Variants in INSL3 observed in about 807,000 individuals in gnomAD.
The protein encoded by INSL3 is insulin like 3, also known as insulin-like 3.
In INSL3, 6 loss-of-function variants were observed where a neutral mutation model predicts 5.5. That is an observed-to-expected ratio of 1.08 (90% CI 0.59 to 2.14). INSL3 has a LOEUF of 2.14. INSL3 is among the 30% of genes most tolerant of loss of function. INSL3 has a pLI of 0.00. For missense variants in INSL3, 178 were observed against 184.7 expected, an observed-to-expected ratio of 0.96 and a Z score of 0.21; for synonymous variants, 86 against 82.1, an observed-to-expected ratio of 1.05 and a Z score of -0.26.
chr19:17,821,360 G>A lies in INSL3; in HGVS notation c.147C>T (p.Pro49=), dbSNP rs1422822030. ...GCCTCCTGGCTTCGGTGGACCAGCG[G>A]GGGCCCCCGCACACGCGCACTAGCG... The part of the protein sequence containing the change: ...VRALVRVCGG[P]RWSTEARRPA... Residue 49 remains proline, a synonymous_variant, in exon 1 of 2, where the codon CCC becomes CCT. Coordinates refer to ENST00000317306, the MANE Select transcript of INSL3 (RefSeq NM_005543.4). 5.2e-6 allele frequency: 8 copies of A among 1,548,802 alleles called. No homozygotes were observed. Among genetic ancestry groups the A allele is most frequent in the Non-Finnish European group, 7.0e-6 (8 of 1,146,604 alleles).
intron 1 of INSL3, among the ~76,000 whole-genome samples, chr19:17,817,926 C>G (rs1308511496): frequency 6.6e-6 from 1 of 151,902 alleles, no homozygotes; most frequent in East Asian, 1.9e-4. Context: ...CCCCATATGC[C>G]ACCTGAGTGC....
chr19:17,820,208 C>T (rs556458930), intron 1 of INSL3, among the ~76,000 whole-genome samples: 59 of 152,116 alleles, frequency 3.9e-4, no homozygotes, highest in African/African-American at 1.2e-3. Context: ...TGCTGGAACC[C>T]GGGAGGCAGA....
At chr19:17,819,480 C>T (rs12979536) in intron 1 of INSL3, among the ~76,000 whole-genome samples, 51,317 of 151,828 alleles carry the variant, frequency 0.34, 9,172 homozygotes, top group Non-Finnish European at 0.38. Context: ...CCAGGCACAG[C>T]GGCTCACGCT....
chr19:17,817,117 G>A, intron 1 of INSL3, 58 bp from the exon 2 acceptor site: 1 of 1,508,586 alleles, frequency 6.6e-7, no homozygotes, highest in East Asian at 2.4e-5. Context: ...GCTACCCCAT[G>A]CTGCATGTGC....
intron 1 of INSL3, among the ~76,000 whole-genome samples, chr19:17,819,840 TCAAAACAAAA>T (rs368680133): frequency 1.1e-4 from 17 of 149,690 alleles, no homozygotes; most frequent in African/African-American, 2.0e-4. Context: ...AGACTCAATG[TCAAAACAAAA>T]CAAAACAAAA....
rs773578344 is a variant in INSL3, at chr19:17,821,330, C to T, written c.177G>A (p.Ala59=). ...GTCCCCACTCACGGTCGCCTCCGGT[C>T]GCAGGCCTCCTGGCTTCGGTGGACC... is the stretch of plus-strand genomic sequence containing the variant. The part of the protein sequence containing the change: ...PRWSTEARRP[A]TGGDRELLQW... The change falls in exon 1 of 2, where the codon GCG becomes GCA. Residue 59 remains alanine, a synonymous_variant. Transcript: ENST00000317306. 1.5e-5 allele frequency: 23 copies of T among 1,547,864 alleles called. No individual in the cohort carries two copies. In the African/African-American group the frequency reaches 2.7e-4, roughly 18 times the overall value.
At chr19:17,818,943 T>C (rs8103641) in intron 1 of INSL3, among the ~76,000 whole-genome samples, 6 of 149,100 alleles carry the variant, frequency 4.0e-5, no homozygotes, top group African/African-American at 1.5e-4. Context: ...GGCGTGATCT[T>C]GGCTCACTGC....
rs2094188911 is a variant in INSL3 at position 17,817,073 on chromosome 19, G to A, written c.191-14C>T. On this transcript the variant is annotated splice_polypyrimidine_tract_variant and intron_variant, in intron 1 of 1. Transcript: ENST00000317306. ...GTAGCAACTCACCTGGGGACAGAGT[G>A]AAACTCAGCTGGAACGGAAACGACA... is the stretch of plus-strand genomic sequence containing the variant. 2.5e-6 allele frequency: 4 copies of A among 1,610,948 alleles called. No individual in the cohort carries two copies. In the East Asian group the frequency reaches 8.9e-5, roughly 36 times the overall value.
chr19:17,818,099 CCACTT>C (rs1382041888), intron 1 of INSL3, among the ~76,000 whole-genome samples: 1 of 152,042 alleles, frequency 6.6e-6, no homozygotes, highest in Non-Finnish European at 1.5e-5. Context: ...GTCTGTGGGT[CCACTT>C]CCTGGTCACC....
At position 17,816,948 on chromosome 19, in the gene INSL3, T is replaced by G. The variant is rs75417199; in HGVS notation, c.302A>C (p.His101Pro). ...GGTGGCAGCTGCACGGTGGTGGCGGTGATGGTGAGAGGTCTGGGGCAGGGG... is the reference window on the plus strand; with the variant it reads ...GGTGGCAGCTGCACGGTGGTGGCGGGGATGGTGAGAGGTCTGGGGCAGGGG... ...LQPLPQTSHH[H>P]RHHRAAATNP... The change falls in exon 2 of 2, where the codon CAC becomes CCC. Residue 101 changes from histidine to proline, a missense_variant. Coordinates refer to ENST00000317306, the MANE Select transcript of INSL3 (RefSeq NM_005543.4). 6.2e-7 allele frequency: 1 copy of G among 1,613,750 alleles called. No homozygotes were observed. The highest frequency in any genetic ancestry group is 8.5e-7 in the Non-Finnish European group (1 of 1,179,942).
At chr19:17,818,562 C>G (rs144645320) in intron 1 of INSL3, among the ~76,000 whole-genome samples, 2 of 151,894 alleles carry the variant, frequency 1.3e-5, no homozygotes, top group Non-Finnish European at 2.9e-5. Context: ...GCTGCAGTGA[C>G]CCGAGATCGT....
At chr19:17,819,245 AT>A (rs1363070035) in intron 1 of INSL3, among the ~76,000 whole-genome samples, 1 of 148,346 alleles carries the variant, frequency 6.7e-6, no homozygotes, top group African/African-American at 2.5e-5. Flanking sequence ...AAATATATAT[AT>A]ATAATAATAA....
Position 17,821,340 on chromosome 19 carries a change from C to T in INSL3, c.167G>A (p.Arg56Lys). 6.5e-7 allele frequency: 1 copy of T among 1,548,826 alleles called. No homozygotes were observed. Among genetic ancestry groups the T allele is most frequent in the Non-Finnish European group, 8.7e-7 (1 of 1,146,768 alleles). The change falls in exon 1 of 2, where the codon AGG becomes AAG. Residue 56 changes from arginine to lysine, a missense_variant. Arg to Lys is a conservative substitution (Grantham distance 26, BLOSUM62 2). Transcript: ENST00000317306. ...ACGGTCGCCTCCGGTCGCAGGCCTCCTGGCTTCGGTGGACCAGCGGGGGCC... is the reference window on the plus strand; with the variant it reads ...ACGGTCGCCTCCGGTCGCAGGCCTCTTGGCTTCGGTGGACCAGCGGGGGCC... The part of the protein sequence containing the change: ...CGGPRWSTEA[R>K]RPATGGDREL...
In INSL3 at chr19:17,821,481, GC is replaced by G; in HGVS notation, c.25del (p.Ala9ArgfsTer34). 6.6e-7 allele frequency: 1 copy of G among 1,504,856 alleles called. No individual in the cohort carries two copies. The highest frequency in any genetic ancestry group is 8.9e-7 in the Non-Finnish European group (1 of 1,122,626). The allele number at this position is 1,504,856 out of a possible 1,614,324, so 93.2% of individuals were successfully genotyped here. A position where few individuals can be genotyped will look rare whatever the true frequency, so the allele number is the denominator to read the frequency against. MDPRLPAWALVLLGPALVF... is the reference protein window; with the variant it reads MDPRLPAWXLVLLGPALVF... ...CAGGGCAGGGCCCAGCAGCACCAGC[GC>G]CCAGGCGGGCAGACGGGGGTCCATG... On this transcript the variant is annotated frameshift_variant, in exon 1 of 2. Coordinates refer to ENST00000317306, the MANE Select transcript of INSL3 (RefSeq NM_005543.4). LOFTEE classifies it high-confidence loss of function.
In INSL3 at chr19:17,821,497, G is replaced by A. The variant is rs753338832; in HGVS notation, c.10C>T (p.Arg4Cys). ...AGCACCAGCGCCCAGGCGGGCAGAC[G>A]GGGGTCCATGGTGGTGGGTGGCGCC... is the stretch of plus-strand genomic sequence containing the variant. MDP[R>C]LPAWALVLLG... is the part of the protein sequence containing the mutation. Residue 4 changes from arginine (R) to cysteine (C), a missense_variant, in exon 1 of 2, where the codon CGT becomes TGT. Arg to Cys is a radical substitution (Grantham distance 180). Coordinates refer to ENST00000317306, the MANE Select transcript of INSL3 (RefSeq NM_005543.4). 2.0e-6 allele frequency: 3 copies of A among 1,490,594 alleles called. No homozygotes were observed. The highest frequency in any genetic ancestry group is 1.3e-5 in the South Asian group (1 of 75,958). The allele number at this position is 1,490,594 out of a possible 1,614,324, so 92.3% of individuals were successfully genotyped here.
chr19:17,817,795 CAAAAAAA>C (rs58956953), intron 1 of INSL3, among the ~76,000 whole-genome samples: 2 of 40,322 alleles, frequency 5.0e-5, no homozygotes, highest in African/African-American at 2.0e-4. Flanking sequence ...AACTCCATCT[CAAAAAAA>C]AAAAAAAAAA....
Position 17,816,641 on chromosome 19 carries a change from G to A in INSL3, c.*213C>T, listed in dbSNP as rs2094188134. 3.3e-6 allele frequency: 2 copies of A among 602,516 alleles called. No homozygotes were observed. The highest frequency in any genetic ancestry group is 3.7e-5 in the African/African-American group (2 of 54,192). The allele number at this position is 602,516 out of a possible 1,614,324, so 37.3% of individuals were successfully genotyped here. A position where few individuals can be genotyped will look rare whatever the true frequency, so the allele number is the denominator to read the frequency against. ...AGTGTCCAGCATCTGTGAAAGCGGG[G>A]ATCCTCCAAGCCAGGGCTAGGGTGT... On this transcript the variant is annotated 3_prime_UTR_variant, in exon 2 of 2. Transcript: ENST00000317306.
chr19:17,821,267 C>G, intron 1 of INSL3, 50 bp downstream of exon 1: 1 of 1,534,208 alleles, frequency 6.5e-7, no homozygotes. Context: ...CTACGTGCAC[C>G]TGCCCCACCT....
Position 17,816,779 on chromosome 19 carries a change from C to A in INSL3, c.*75G>T. On this transcript the variant is annotated 3_prime_UTR_variant, in exon 2 of 2. Coordinates refer to ENST00000317306, the MANE Select transcript of INSL3 (RefSeq NM_005543.4). ...CCTGTAGATGCGAGACTTTATGGTG[C>A]TGTGTGGCCTCAGGAGCTCACCAGA... The A allele has an allele frequency of 7.1e-7, 1 of 1,403,598 alleles. No homozygotes were observed. 86.9% of individuals were successfully genotyped at this position (1,403,598 alleles called of 1,614,324 possible).
Sources: allele counts gnomAD v4.1 joint callset (sites outside exome capture counted in the v4.1 genomes callset), GRCh38; gene constraint gnomAD v4.1.1; transcripts MANE v1.5; gene names NCBI Gene and HGNC (gene_info 2026-07-23, HGNC 2026-07-21).